The following FAM241A variants were observed in gnomAD, a reference collection of about 807,000 sequenced individuals.
The protein encoded by FAM241A is family with sequence similarity 241 member A.
FAM241A carries 7 observed loss-of-function variants against 12.2 expected under a neutral mutation model. The observed-to-expected ratio is 0.58, with a 90% CI of 0.33 to 1.08. The LOEUF (loss-of-function observed/expected upper bound fraction) is 1.08. Ranked by LOEUF, FAM241A falls within the 50% of genes least tolerant of loss-of-function variation. FAM241A has a pLI of 0.04. For missense variants in FAM241A, 161 were observed against 169.7 expected, an observed-to-expected ratio of 0.95 and a Z score of 0.29; for synonymous variants, 74 against 68.2, an observed-to-expected ratio of 1.08 and a Z score of -0.42.
intron 1 of FAM241A, among the ~76,000 whole-genome samples, chr4:112,172,519 G>A (rs72893057): frequency 0.023 from 3,430 of 152,296 alleles, 83 homozygotes; most frequent in African/African-American, 0.057. Flanking sequence ...TTTGAAAGCA[G>A]TGCATTAGTG....
intron 1 of FAM241A, among the ~76,000 whole-genome samples, chr4:112,147,129 G>A (rs1723153266): frequency 6.6e-6 from 1 of 152,230 alleles, no homozygotes; most frequent in Non-Finnish European, 1.5e-5. Flanking sequence ...TACTTCATTA[G>A]TATGATTATG....
intron 1 of FAM241A, among the ~76,000 whole-genome samples, chr4:112,153,651 G>T (rs953783315): frequency 1.3e-5 from 2 of 152,096 alleles, no homozygotes; most frequent in African/African-American, 4.8e-5. Flanking sequence ...CATACCCAGT[G>T]TTTCCCCCGG....
chr4:112,185,269 T>C (rs911361783), intron 1 of FAM241A, among the ~76,000 whole-genome samples: 2 of 152,162 alleles, frequency 1.3e-5, no homozygotes, highest in African/African-American at 2.4e-5. Flanking sequence ...AGAGAAACTA[T>C]ACCAATTATT....
chr4:112,184,659 G>A (rs558391092), intron 1 of FAM241A, among the ~76,000 whole-genome samples: 2 of 152,176 alleles, frequency 1.3e-5, no homozygotes, highest in Admixed American at 1.3e-4. Context: ...ACTCATTACT[G>A]TACATAAATT....
rs1724139198 is a variant in FAM241A, at chr4:112,190,285, T to C, written c.*3347T>C. On this transcript the variant is annotated 3_prime_UTR_variant, in exon 2 of 2. Coordinates refer to ENST00000309733, the MANE Select transcript of FAM241A (RefSeq NM_152400.3). ...AATCAAAGGCTATTCGTGTGGTTCA[T>C]AGATTGTTTTAATAGTTATTTTACA... 6.6e-6 allele frequency: 1 copy of C among 152,234 alleles called. No individual in the cohort carries two copies. The highest frequency in any genetic ancestry group is 2.1e-4 in the South Asian group (1 of 4,832). The allele number at this position is 152,234 out of a possible 1,614,324, so 9.4% of individuals were successfully genotyped here.
chr4:112,156,460 C>T (rs1174710233), intron 1 of FAM241A, among the ~76,000 whole-genome samples: 2 of 152,186 alleles, frequency 1.3e-5, no homozygotes, highest in Non-Finnish European at 2.9e-5. Context: ...TGCCACTCCT[C>T]ACTGCCCTCT....
At position 112,193,238 on chromosome 4, in the gene FAM241A, T is replaced by G. The variant is rs551748503; in HGVS notation, c.*6300T>G. 6.6e-6 allele frequency: 1 copy of G among 152,142 alleles called. No homozygotes were observed. The highest frequency in any genetic ancestry group is 1.5e-5 in the Non-Finnish European group (1 of 67,984). 9.4% of individuals were successfully genotyped at this position (152,142 alleles called of 1,614,324 possible). A position where few individuals can be genotyped will look rare whatever the true frequency, so the allele number is the denominator to read the frequency against. Reference sequence around the variant, plus strand: ...ATTTGTTTGAGTTCATTGTAGATTCTGGATATTAGCCCTTTGTCAGATGAG... The same window carrying G: ...ATTTGTTTGAGTTCATTGTAGATTCGGGATATTAGCCCTTTGTCAGATGAG... On this transcript the variant is annotated 3_prime_UTR_variant, in exon 2 of 2. Transcript: ENST00000309733.
intron 1 of FAM241A, among the ~76,000 whole-genome samples, chr4:112,156,978 A>G (rs1321915311): frequency 6.6e-6 from 1 of 152,200 alleles, no homozygotes; most frequent in Non-Finnish European, 1.5e-5. Flanking sequence ...AGAAACCCAG[A>G]TAGTCAATGA....
rs575879764 is a variant in FAM241A at position 112,145,762 on chromosome 4, C to T, written c.153+29C>T. On this transcript the variant is annotated intron_variant, in intron 1 of 1. Coordinates refer to ENST00000309733, the MANE Select transcript of FAM241A (RefSeq NM_152400.3). Reference sequence around the variant, plus strand: ...AGCGCGGGGAGGGGCGGCGGCGAAGCGGCCGGGTCGGGGGCCGCGAGCCCC... The same window carrying T: ...AGCGCGGGGAGGGGCGGCGGCGAAGTGGCCGGGTCGGGGGCCGCGAGCCCC... The T allele has an allele frequency of 5.7e-5, 62 of 1,089,970 alleles. No individual in the cohort carries two copies. The African/African-American group carries it at 9.8e-4, about 17-fold the overall frequency. 67.5% of individuals were successfully genotyped at this position (1,089,970 alleles called of 1,614,324 possible). A position where few individuals can be genotyped will look rare whatever the true frequency, so the allele number is the denominator to read the frequency against.
chr4:112,159,177 T>G (rs925908804), intron 1 of FAM241A, among the ~76,000 whole-genome samples: 5 of 152,226 alleles, frequency 3.3e-5, no homozygotes, highest in Admixed American at 6.5e-5. Context: ...AATTACCTAC[T>G]TGGCTGTGCC....
chr4:112,186,076 T>C (rs1724033482), intron 1 of FAM241A, among the ~76,000 whole-genome samples: 1 of 152,096 alleles, frequency 6.6e-6, no homozygotes, highest in Admixed American at 6.5e-5. Flanking sequence ...AATAATACTT[T>C]AGGTATGTAT....
intron 1 of FAM241A, among the ~76,000 whole-genome samples, chr4:112,183,650 A>G (rs1172738758): frequency 6.6e-6 from 1 of 152,050 alleles, no homozygotes; most frequent in African/African-American, 2.4e-5. Flanking sequence ...AAAAAACCCC[A>G]AAGTACAATG....
intron 1 of FAM241A, among the ~76,000 whole-genome samples, chr4:112,153,921 T>C (rs1188561624): frequency 6.6e-6 from 1 of 152,258 alleles, no homozygotes; most frequent in East Asian, 1.9e-4. Context: ...TTTATTTTCA[T>C]GTAACTTTTT....
chr4:112,186,762 T>C lies in FAM241A; in HGVS notation c.223T>C (p.Phe75Leu), dbSNP rs1275938902. 4 of 1,614,052 alleles carry C rather than the reference T, an allele frequency of 2.5e-6. No homozygotes were observed. Among genetic ancestry groups the C allele is most frequent in the Non-Finnish European group, 2.5e-6 (3 of 1,179,992 alleles). The change falls in exon 2 of 2, where the codon TTT becomes CTT. Residue 75 changes from phenylalanine (F) to leucine (L), a missense_variant. Physicochemically the swap from Phe to Leu is conservative, Grantham distance 22. Transcript: ENST00000309733. ...GDDYKKMGTL[F>L]GELNKNLINM... ...TGACTACAAGAAAATGGGAACACTT[T>C]TTGGTGAACTGAACAAAAACCTTAT...
intron 1 of FAM241A, among the ~76,000 whole-genome samples, chr4:112,178,064 T>C (rs1044861447): frequency 6.6e-6 from 1 of 152,176 alleles, no homozygotes; most frequent in African/African-American, 2.4e-5. Context: ...GTAAAATTTG[T>C]AAGACATGTT....
intron 1 of FAM241A, among the ~76,000 whole-genome samples, chr4:112,185,073 T>C (rs147875441): frequency 6.6e-6 from 1 of 152,276 alleles, no homozygotes; most frequent in African/African-American, 2.4e-5. Context: ...TGTGAAGCCC[T>C]ATATCTAAAG....
intron 1 of FAM241A, among the ~76,000 whole-genome samples, chr4:112,155,569 A>G (rs1403673680): frequency 6.6e-6 from 1 of 151,758 alleles, no homozygotes; most frequent in South Asian, 2.1e-4. Context: ...ATGAAGCCTT[A>G]TATAGGTAGT....
At chr4:112,150,988 C>T (rs954418768) in intron 1 of FAM241A, among the ~76,000 whole-genome samples, 1 of 152,168 alleles carries the variant, frequency 6.6e-6, no homozygotes, top group African/African-American at 2.4e-5. Flanking sequence ...TTAAGTTTTC[C>T]AGCCTCTGCA....
rs1202798611 is a variant in FAM241A, at chr4:112,193,595, T to G, written c.*6657T>G. On this transcript the variant is annotated 3_prime_UTR_variant, in exon 2 of 2. Coordinates refer to ENST00000309733, the MANE Select transcript of FAM241A (RefSeq NM_152400.3). Reference sequence around the variant, plus strand: ...AGCCAGTTTTCCCAGCACCATTTATTCAATAGGGAATCCTTTCCCCATTGC... The same window carrying G: ...AGCCAGTTTTCCCAGCACCATTTATGCAATAGGGAATCCTTTCCCCATTGC... The G allele has an allele frequency of 6.6e-6, 1 of 152,240 alleles. No homozygotes were observed. The highest frequency in any genetic ancestry group is 2.4e-5 in the African/African-American group (1 of 41,460). The allele number at this position is 152,240 out of a possible 1,614,324, so 9.4% of individuals were successfully genotyped here.
Sources: allele counts gnomAD v4.1 joint callset (sites outside exome capture counted in the v4.1 genomes callset), GRCh38; gene constraint gnomAD v4.1.1; transcripts MANE v1.5; gene names NCBI Gene and HGNC (gene_info 2026-07-23, HGNC 2026-07-21).